The following PPP2CA variants were observed in gnomAD, a reference collection of about 807,000 sequenced individuals.
The protein encoded by PPP2CA is serine/threonine-protein phosphatase 2A catalytic subunit alpha isoform.
Under a neutral mutation model 38.8 loss-of-function variants are expected in PPP2CA, and 5 were observed. The observed-to-expected ratio is 0.13, with a 90% CI of 0.07 to 0.27. The LOEUF (loss-of-function observed/expected upper bound fraction) is 0.27. PPP2CA is among the 10% of genes least tolerant of loss of function. The pLI is 1.00. For synonymous variants in PPP2CA, 152 were observed against 134.0 expected (o/e 1.13, Z -0.93); for missense variants, 88 against 389.7 (o/e 0.23, Z 6.52).
chr5:134,217,733 C>T (rs116453249), intron 1 of PPP2CA, among the ~76,000 whole-genome samples: 1,597 of 152,308 alleles, frequency 0.01, 28 homozygotes, highest in African/African-American at 0.035. Flanking sequence ...GAGTTAATTT[C>T]CTTCAACTAT....
At chr5:134,216,803 C>T (rs1762330011) in intron 1 of PPP2CA, among the ~76,000 whole-genome samples, 2 of 152,132 alleles carry the variant, frequency 1.3e-5, no homozygotes. Context: ...CATGCCTAGA[C>T]AGAAATCAAG....
In PPP2CA at chr5:134,199,033, C is replaced by A. The variant is rs888196399; in HGVS notation, c.857+53G>T. ...ACCCTCTCTCTCAAAATAAATAAACCAAAACCCTACATATTCAGTAATGCA... is the reference window on the plus strand; with the variant it reads ...ACCCTCTCTCTCAAAATAAATAAACAAAAACCCTACATATTCAGTAATGCA... On this transcript the variant is annotated intron_variant, in intron 6 of 6. Coordinates refer to ENST00000481195, the MANE Select transcript of PPP2CA (RefSeq NM_002715.4). 50 of 1,423,222 alleles carry A rather than the reference C, an allele frequency of 3.5e-5. No homozygotes were observed. The African/African-American group carries it at 6.2e-4, about 18-fold the overall frequency. The allele number at this position is 1,423,222 out of a possible 1,614,324, so 88.2% of individuals were successfully genotyped here.
chr5:134,200,942 C>T, intron 4 of PPP2CA, 43 bp downstream of exon 4: 1 of 1,469,708 alleles, frequency 6.8e-7, no homozygotes, highest in Non-Finnish European at 9.5e-7. Context: ...TCTCCACTCC[C>T]TAATAAGTTT....
intron 1 of PPP2CA, 93 bp downstream of exon 1, chr5:134,225,665 CGG>C (rs1762559588): frequency 8.8e-7 from 1 of 1,138,688 alleles, no homozygotes; most frequent in Non-Finnish European, 1.2e-6. Flanking sequence ...GGGCCCGGAC[CGG>C]CGGCCTCCGC....
At position 134,224,802 on chromosome 5, in the gene PPP2CA, G is replaced by A. The variant is rs1762528945; in HGVS notation, c.102+958C>T. Among the ~76,000 whole-genome samples, 3 of 152,210 alleles carry A rather than the reference G, an allele frequency of 2.0e-5. No homozygotes were observed. The South Asian group carries it at 6.2e-4, about 32-fold the overall frequency. On this transcript the variant is annotated intron_variant, in intron 1 of 6. Transcript: ENST00000481195. ...AGTGGACTACAACATTCTATTTTCA[G>A]TGTATGTGAGACATTATTTAAACAC...
intron 1 of PPP2CA, among the ~76,000 whole-genome samples, chr5:134,217,267 C>T (rs1416835659): frequency 1.5e-4 from 22 of 151,468 alleles, no homozygotes; most frequent in Admixed American, 9.9e-4. Flanking sequence ...GCAACAAGAG[C>T]GAAACTCCCT....
intron 1 of PPP2CA, among the ~76,000 whole-genome samples, chr5:134,215,899 A>G (rs1245369022): frequency 6.6e-6 from 1 of 152,266 alleles, no homozygotes; most frequent in East Asian, 1.9e-4. Flanking sequence ...TTCAAATCTT[A>G]GGACTTGGGT....
intron 2 of PPP2CA, among the ~76,000 whole-genome samples, chr5:134,205,388 C>CT (rs5871528): frequency 2.0e-3 from 270 of 138,272 alleles, no homozygotes; most frequent in African/African-American, 5.6e-3. Flanking sequence ...TTTTCTTTTC[C>CT]TTTTTTTTTT....
chr5:134,199,361 T>C, intron 5 of PPP2CA, 157 bp from the exon 6 acceptor site: 1 of 585,550 alleles, frequency 1.7e-6, no homozygotes, highest in Non-Finnish European at 3.1e-6. Flanking sequence ...AATAATCTCC[T>C]GTACTTTATA....
intron 1 of PPP2CA, among the ~76,000 whole-genome samples, chr5:134,212,502 T>C (rs1762223939): frequency 6.6e-6 from 1 of 152,156 alleles, no homozygotes; most frequent in Admixed American, 6.5e-5. Flanking sequence ...CTCCCTCTCC[T>C]TGGGCCTCCC....
chr5:134,221,645 T>C (rs1762445207), intron 1 of PPP2CA, among the ~76,000 whole-genome samples: 4 of 152,174 alleles, frequency 2.6e-5, no homozygotes, highest in East Asian at 3.9e-4. Context: ...GTATGTAACA[T>C]GAATAGGAAG....
At position 134,226,071 on chromosome 5, in the gene PPP2CA, T is replaced by G; in HGVS notation, c.-210A>C. The G allele has an allele frequency of 2.3e-6, 1 of 438,140 alleles. No individual in the cohort carries two copies. Among genetic ancestry groups the G allele is most frequent in the Non-Finnish European group, 4.0e-6 (1 of 247,318 alleles). The allele number at this position is 438,140 out of a possible 1,614,324, so 27.1% of individuals were successfully genotyped here. A position where few individuals can be genotyped will look rare whatever the true frequency, so the allele number is the denominator to read the frequency against. ...GCTGAGGCTCCAGAGCTCGGCTCTC[T>G]GTAATGGCGGCCGCCGGGCGTGGTG... On this transcript the variant is annotated 5_prime_UTR_variant, in exon 1 of 7. Coordinates refer to ENST00000481195, the MANE Select transcript of PPP2CA (RefSeq NM_002715.4).
chr5:134,214,120 C>T (rs1762267657), intron 1 of PPP2CA, among the ~76,000 whole-genome samples: 1 of 152,018 alleles, frequency 6.6e-6, no homozygotes, highest in Non-Finnish European at 1.5e-5. Flanking sequence ...CACAGTAAGA[C>T]TCTCTCTCAA....
chr5:134,220,796 A>C (rs1012551307), intron 1 of PPP2CA, among the ~76,000 whole-genome samples: 9 of 152,162 alleles, frequency 5.9e-5, no homozygotes, highest in African/African-American at 9.7e-5. Flanking sequence ...TGCTGCCATA[A>C]AACAGGGCCA....
intron 1 of PPP2CA, chr5:134,225,466 C>G: frequency 2.8e-6 from 1 of 352,664 alleles, no homozygotes; most frequent in Non-Finnish European, 5.2e-6. Flanking sequence ...TGACGATGAC[C>G]CACAGGGTCT....
In PPP2CA at chr5:134,197,116, T is replaced by G. The variant is rs1181184969; in HGVS notation, c.*656A>C. ...CAGTTCTTAGTTCACAAGTTTATTA[T>G]GAAAAACACTGCAGTGCTCTTGTGC... On this transcript the variant is annotated 3_prime_UTR_variant, in exon 7 of 7. Transcript: ENST00000481195. The G allele has an allele frequency of 6.6e-6, 1 of 152,612 alleles. No individual in the cohort carries two copies. Among genetic ancestry groups the G allele is most frequent in the Non-Finnish European group, 1.5e-5 (1 of 68,022 alleles). 9.5% of individuals were successfully genotyped at this position (152,612 alleles called of 1,614,324 possible).
intron 1 of PPP2CA, among the ~76,000 whole-genome samples, chr5:134,209,412 T>C (rs1218219914): frequency 2.6e-5 from 4 of 152,182 alleles, no homozygotes; most frequent in Admixed American, 6.6e-5. Context: ...AGCTCTCAGA[T>C]AGTTACAACA....
chr5:134,217,328 T>A (rs1229178653), intron 1 of PPP2CA, among the ~76,000 whole-genome samples: 1 of 152,180 alleles, frequency 6.6e-6, no homozygotes, highest in Non-Finnish European at 1.5e-5. Context: ...CTAATGTTCA[T>A]TGTAACTCTA....
At chr5:134,198,066 T>C (rs1761891359) in intron 6 of PPP2CA, among the ~76,000 whole-genome samples, 1 of 152,102 alleles carries the variant, frequency 6.6e-6, no homozygotes, top group African/African-American at 2.4e-5. Flanking sequence ...ACATGGTTTT[T>C]ACCTTGACTG....
Sources: allele counts gnomAD v4.1 joint callset (sites outside exome capture counted in the v4.1 genomes callset), GRCh38; gene constraint gnomAD v4.1.1; transcripts MANE v1.5; gene names NCBI Gene and HGNC (gene_info 2026-07-23, HGNC 2026-07-21).